Variants in GPR39 observed in about 807,000 individuals in gnomAD.
GPR39 encodes G protein-coupled receptor 39.
In GPR39, 23 loss-of-function variants were observed where a neutral mutation model predicts 18.4. That is an observed-to-expected ratio of 1.25 (90% confidence interval 0.90 to 1.77). The LOEUF is 1.77. Ranked by LOEUF, GPR39 falls within the 40% of genes most tolerant of loss-of-function variation. The probability of loss-of-function intolerance (pLI) is 0.00; values close to 1 mark genes in which losing one functional copy is unlikely to be tolerated. For synonymous variants in GPR39, 280 were observed against 257.9 expected, an observed-to-expected ratio of 1.09 and a Z score of -0.82; for missense variants, 647 against 602.4, an observed-to-expected ratio of 1.07 and a Z score of -0.78.
At chr2:132,458,287 C>T (rs1264762886) in intron 1 of GPR39, among the ~76,000 whole-genome samples, 3 of 152,106 alleles carry the variant, frequency 2.0e-5, no homozygotes, top group Admixed American at 2.0e-4. Flanking sequence ...TCTTGTTTTA[C>T]TTGTGTTGCT....
intron 1 of GPR39, among the ~76,000 whole-genome samples, chr2:132,440,763 A>AATG (rs1412722607): frequency 1.3e-5 from 2 of 151,752 alleles, no homozygotes; most frequent in East Asian, 1.9e-4. Flanking sequence ...TAATAATAAT[A>AATG]ATAATGGCAA....
At chr2:132,521,443 A>G (rs1179515975) in intron 1 of GPR39, among the ~76,000 whole-genome samples, 5 of 152,176 alleles carry the variant, frequency 3.3e-5, no homozygotes, top group Non-Finnish European at 7.3e-5. Context: ...CTGACCCTAG[A>G]ACATATGCTC....
chr2:132,472,358 T>C (rs1219068204), intron 1 of GPR39, among the ~76,000 whole-genome samples: 1 of 152,200 alleles, frequency 6.6e-6, no homozygotes, highest in East Asian at 1.9e-4. Context: ...ATCCAGCTCC[T>C]GACCTATCAG....
intron 1 of GPR39, among the ~76,000 whole-genome samples, chr2:132,441,977 A>G (rs9808429): frequency 0.96 from 145,432 of 152,226 alleles, 69,803 homozygotes; most frequent in Non-Finnish European, 1. Flanking sequence ...CTCCTTGAAA[A>G]TGCAGTTTTT....
chr2:132,520,162 C>T (rs1393955051), intron 1 of GPR39, among the ~76,000 whole-genome samples: 1 of 152,116 alleles, frequency 6.6e-6, no homozygotes, highest in Non-Finnish European at 1.5e-5. Context: ...GCTTCTTCCC[C>T]ACCAAATTTT....
At chr2:132,466,396 ATTTATCTT>A in intron 1 of GPR39, among the ~76,000 whole-genome samples, 1 of 152,200 alleles carries the variant, frequency 6.6e-6, no homozygotes, top group Middle Eastern at 3.4e-3. Flanking sequence ...TTTCCTTGCG[ATTTATCTT>A]TTGTTTCCTT....
At chr2:132,436,152 G>C (rs530190018) in intron 1 of GPR39, among the ~76,000 whole-genome samples, 3 of 125,404 alleles carry the variant, frequency 2.4e-5, no homozygotes, top group Admixed American at 1.5e-4. Flanking sequence ...TACTGGAAGA[G>C]CAAGAGCAGC....
intron 1 of GPR39, among the ~76,000 whole-genome samples, chr2:132,478,922 T>C (rs962880281): frequency 1.3e-5 from 2 of 151,944 alleles, no homozygotes; most frequent in African/African-American, 4.8e-5. Context: ...ATGTGAGCTC[T>C]ACTTGGCATT....
chr2:132,521,151 G>A (rs1679419207), intron 1 of GPR39, among the ~76,000 whole-genome samples: 1 of 152,142 alleles, frequency 6.6e-6, no homozygotes, highest in South Asian at 2.1e-4. Flanking sequence ...AGGGTCCAAG[G>A]CAAAAGGACA....
intron 1 of GPR39, among the ~76,000 whole-genome samples, chr2:132,612,951 C>T (rs1681261926): frequency 6.6e-6 from 1 of 152,084 alleles, no homozygotes; most frequent in African/African-American, 2.4e-5. Flanking sequence ...TACCCCTGTT[C>T]ATTTAGGCTT....
intron 1 of GPR39, among the ~76,000 whole-genome samples, chr2:132,570,253 C>T (rs376894023): frequency 7.9e-5 from 12 of 152,148 alleles, no homozygotes; most frequent in African/African-American, 2.9e-4. Flanking sequence ...CTGTCACTTC[C>T]CCTGTTGGGA....
At chr2:132,496,045 T>A (rs1352089819) in intron 1 of GPR39, among the ~76,000 whole-genome samples, 1 of 152,268 alleles carries the variant, frequency 6.6e-6, no homozygotes, top group South Asian at 2.1e-4. Context: ...GGACTTCCAA[T>A]TTTCACCCCT....
chr2:132,490,814 G>A (rs1040659482), intron 1 of GPR39, among the ~76,000 whole-genome samples: 20 of 150,102 alleles, frequency 1.3e-4, no homozygotes, highest in Admixed American at 6.6e-5. Flanking sequence ...CCCTAATCCA[G>A]GCTAGACAGG....
intron 1 of GPR39, among the ~76,000 whole-genome samples, chr2:132,447,636 C>A (rs542524761): frequency 2.0e-5 from 3 of 152,222 alleles, no homozygotes; most frequent in Admixed American, 6.5e-5. Flanking sequence ...TCTTTTGGAG[C>A]CTTAACTAAG....
chr2:132,521,169 G>A (rs1460137174), intron 1 of GPR39, among the ~76,000 whole-genome samples: 1 of 152,172 alleles, frequency 6.6e-6, no homozygotes, highest in Non-Finnish European at 1.5e-5. Flanking sequence ...ACAAGCTACT[G>A]AATCTATTTC....
At chr2:132,623,567 C>T (rs184016536) in intron 1 of GPR39, among the ~76,000 whole-genome samples, 76 of 152,276 alleles carry the variant, frequency 5.0e-4, no homozygotes, top group Non-Finnish European at 1.1e-3. Flanking sequence ...AAAGCGAAGG[C>T]AAAAATGACT....
chr2:132,491,075 T>TC (rs1369344569), intron 1 of GPR39, among the ~76,000 whole-genome samples: 2 of 152,180 alleles, frequency 1.3e-5, no homozygotes, highest in Non-Finnish European at 2.9e-5. Context: ...CTCTTTTTTT[T>TC]CTCACTGAAC....
chr2:132,511,837 G>C (rs1289370756), intron 1 of GPR39, among the ~76,000 whole-genome samples: 2 of 152,168 alleles, frequency 1.3e-5, no homozygotes, highest in East Asian at 3.9e-4. Flanking sequence ...TTACAGATGA[G>C]GAAACTGAGA....
intron 1 of GPR39, among the ~76,000 whole-genome samples, chr2:132,505,554 C>T (rs950180714): frequency 6.6e-6 from 1 of 152,132 alleles, no homozygotes; most frequent in South Asian, 2.1e-4. Context: ...CTTTACCCAC[C>T]CCACACACCC....
Sources: gnomAD v4.1 joint callset for allele counts (sites outside exome capture counted in the v4.1 genomes callset) on GRCh38, gnomAD v4.1.1 for gene constraint, MANE v1.5 for transcripts, NCBI Gene and HGNC (gene_info 2026-07-23, HGNC 2026-07-21) for gene names.